The following ZBTB7C variants were observed in gnomAD, a reference collection of about 807,000 sequenced individuals.
The protein encoded by ZBTB7C is zinc finger and BTB domain-containing protein 7C.
Under a neutral mutation model 25.7 loss-of-function variants are expected in ZBTB7C, and 8 were observed. That is an observed-to-expected ratio of 0.31 (90% CI 0.18 to 0.56). The LOEUF (loss-of-function observed/expected upper bound fraction) is 0.56, where lower values mean the gene tolerates loss of function less well. Ranked by LOEUF, ZBTB7C falls within the 20% of genes least tolerant of loss-of-function variation. The pLI, the probability that ZBTB7C is intolerant of heterozygous loss-of-function variation, is 0.91. For missense variants in ZBTB7C, 824 were observed against 855.2 expected, an observed-to-expected ratio of 0.96 and a Z score of 0.46; for synonymous variants, 394 against 369.0, an observed-to-expected ratio of 1.07 and a Z score of -0.78.
intron 2 of ZBTB7C, among the ~76,000 whole-genome samples, chr18:48,190,816 C>A (rs546145840): frequency 6.6e-6 from 1 of 152,126 alleles, no homozygotes; most frequent in Admixed American, 6.5e-5. Context: ...AAAGATCCCC[C>A]CTCTCAGCAG....
At chr18:48,226,515 A>C (rs2043097757) in intron 2 of ZBTB7C, among the ~76,000 whole-genome samples, 1 of 152,246 alleles carries the variant, frequency 6.6e-6, no homozygotes, top group South Asian at 2.1e-4. Flanking sequence ...CCATCCTTCA[A>C]AAATGAGAAA....
chr18:48,315,704 G>A (rs554222356), intron 2 of ZBTB7C, among the ~76,000 whole-genome samples: 26 of 152,192 alleles, frequency 1.7e-4, no homozygotes, highest in African/African-American at 6.0e-4. Context: ...CCTCTCCAGG[G>A]GGCTGCACAA....
chr18:48,164,974 T>A (rs144779332), intron 3 of ZBTB7C, among the ~76,000 whole-genome samples: 2 of 152,318 alleles, frequency 1.3e-5, no homozygotes, highest in African/African-American at 4.8e-5. Context: ...GTCACCCAGC[T>A]GGCAAAGGGA....
chr18:48,033,343 AT>A (rs2035841728), intron 4 of ZBTB7C, among the ~76,000 whole-genome samples: 2 of 152,162 alleles, frequency 1.3e-5, no homozygotes. Context: ...TATTCTGGGG[AT>A]GAGAAAGGAT....
intron 1 of ZBTB7C, among the ~76,000 whole-genome samples, chr18:48,380,314 C>T (rs530653002): frequency 7.2e-5 from 11 of 152,096 alleles, no homozygotes; most frequent in East Asian, 3.9e-4. Context: ...CGGCTACATG[C>T]GTATATGGGA....
At chr18:48,070,637 C>G (rs988145307) in intron 3 of ZBTB7C, among the ~76,000 whole-genome samples, 2 of 152,232 alleles carry the variant, frequency 1.3e-5, no homozygotes, top group Admixed American at 6.5e-5. Flanking sequence ...TGCATCCACA[C>G]TCCCCATTCA....
chr18:48,266,278 G>C (rs1199478728), intron 2 of ZBTB7C, among the ~76,000 whole-genome samples: 2 of 152,158 alleles, frequency 1.3e-5, no homozygotes, highest in Non-Finnish European at 1.5e-5. Context: ...CTCCACGGCA[G>C]GGAGGAAGGC....
At chr18:48,286,590 A>C (rs1474711339) in intron 2 of ZBTB7C, among the ~76,000 whole-genome samples, 1 of 152,198 alleles carries the variant, frequency 6.6e-6, no homozygotes, top group Non-Finnish European at 1.5e-5. Flanking sequence ...AAAGTTGATA[A>C]AAATACAAAG....
intron 2 of ZBTB7C, 29 bp from the exon 3 acceptor site, chr18:48,186,024 C>T (rs1599058616): frequency 6.6e-6 from 1 of 152,282 alleles, no homozygotes; most frequent in East Asian, 1.9e-4. Context: ...GACGGAGAAT[C>T]ATATTAGCAT....
At chr18:48,123,945 C>G (rs1162393083) in intron 3 of ZBTB7C, among the ~76,000 whole-genome samples, 3 of 152,114 alleles carry the variant, frequency 2.0e-5, no homozygotes, top group African/African-American at 7.2e-5. Context: ...CCCTGATGGA[C>G]AAGAGGTGAT....
At chr18:48,367,849 G>A (rs1261794118) in intron 1 of ZBTB7C, among the ~76,000 whole-genome samples, 1 of 151,962 alleles carries the variant, frequency 6.6e-6, no homozygotes, top group African/African-American at 2.4e-5. Context: ...CACATGGGGA[G>A]TTGTAATGAG....
intron 2 of ZBTB7C, among the ~76,000 whole-genome samples, chr18:48,279,146 G>GT (rs2044755483): frequency 6.6e-6 from 1 of 152,006 alleles, no homozygotes; most frequent in Non-Finnish European, 1.5e-5. Context: ...CATGGAGACG[G>GT]TCCCCCCGGC....
intron 1 of ZBTB7C, among the ~76,000 whole-genome samples, chr18:48,394,887 A>G (rs796514517): frequency 1.1e-4 from 16 of 152,322 alleles, no homozygotes; most frequent in African/African-American, 3.8e-4. Flanking sequence ...GTGTGCTGTA[A>G]ACGGCGACGC....
chr18:48,277,110 CA>C (rs1361133757), intron 2 of ZBTB7C, among the ~76,000 whole-genome samples: 1 of 146,938 alleles, frequency 6.8e-6, no homozygotes, highest in Non-Finnish European at 1.5e-5. Flanking sequence ...TCCAAAACAC[CA>C]AAAGCAATGG....
At chr18:48,169,585 A>G (rs2041395122) in intron 3 of ZBTB7C, among the ~76,000 whole-genome samples, 1 of 152,190 alleles carries the variant, frequency 6.6e-6, no homozygotes, top group Non-Finnish European at 1.5e-5. Flanking sequence ...CATGGGCCAT[A>G]TGACCCATTA....
At chr18:48,295,091 C>T (rs904467023) in intron 2 of ZBTB7C, among the ~76,000 whole-genome samples, 2 of 152,146 alleles carry the variant, frequency 1.3e-5, no homozygotes, top group Non-Finnish European at 2.9e-5. Flanking sequence ...TCTGACTGCA[C>T]TTGCCTGTCT....
At chr18:48,102,783 G>A (rs1243343733) in intron 3 of ZBTB7C, among the ~76,000 whole-genome samples, 2 of 151,892 alleles carry the variant, frequency 1.3e-5, no homozygotes, top group Non-Finnish European at 2.9e-5. Flanking sequence ...AAGGCAGGAA[G>A]GGAATACATG....
chr18:48,068,303 C>G lies in ZBTB7C; in HGVS notation c.-16-27180G>C, dbSNP rs573746305. Among the ~76,000 whole-genome samples, 7 of 151,918 alleles carry G rather than the reference C, an allele frequency of 4.6e-5. No homozygotes were observed. In the East Asian group the frequency reaches 1.2e-3, roughly 26 times the overall value. On this transcript the variant is annotated intron_variant, in intron 3 of 4. Transcript: ENST00000590800. The stretch of plus-strand genomic sequence containing the variant: ...ACTCGGTGCCTGCCACCACGCCTGG[C>G]TAATTTTTGGTATTTTTATTAGAAA...
intron 2 of ZBTB7C, among the ~76,000 whole-genome samples, chr18:48,287,707 C>G (rs905223938): frequency 1.3e-5 from 2 of 151,942 alleles, no homozygotes; most frequent in Non-Finnish European, 2.9e-5. Flanking sequence ...AAAATATATA[C>G]CATTATCAGG....
Sources: allele counts gnomAD v4.1 joint callset (sites outside exome capture counted in the v4.1 genomes callset), GRCh38; gene constraint gnomAD v4.1.1; transcripts MANE v1.5; gene names NCBI Gene and HGNC (gene_info 2026-07-23, HGNC 2026-07-21).